Variants in EFCAB9 observed in about 807,000 individuals in gnomAD.
EFCAB9 encodes EF-hand calcium-binding domain-containing protein 9.
EFCAB9 carries 16 observed loss-of-function variants against 15.6 expected under a neutral mutation model. The ratio of observed to expected loss-of-function variants is 1.03; its 90% CI spans 0.69 to 1.56. The LOEUF (loss-of-function observed/expected upper bound fraction) is 1.56. EFCAB9 is among the 40% of genes most tolerant of loss of function. The pLI is 0.00. For missense variants in EFCAB9, 208 were observed against 235.4 expected (o/e 0.88, Z 0.76); for synonymous variants, 76 against 85.4 (o/e 0.89, Z 0.61).
chr5:172,194,195 T>G lies in EFCAB9; in HGVS notation c.23T>G (p.Phe8Cys). Residue 8 changes from phenylalanine (F) to cysteine (C), a missense_variant, in exon 1 of 4, where the codon TTT becomes TGT. Transcript: ENST00000398186. ...AAGATGAGACTGAAGCAAGGATCGT[T>G]TCTGTGGTACCTCTATCTGGACAAA... MRLKQGS[F>C]LWYLYLDKIY... The G allele has an allele frequency of 6.5e-7, 1 of 1,537,482 alleles. No homozygotes were observed. The highest frequency in any genetic ancestry group is 1.7e-4 in the Middle Eastern group (1 of 5,994).
intron 1 of EFCAB9, among the ~76,000 whole-genome samples, chr5:172,198,778 G>GC (rs1322158752): frequency 6.6e-6 from 1 of 152,126 alleles, no homozygotes; most frequent in Non-Finnish European, 1.5e-5. Flanking sequence ...ACCACGCCTG[G>GC]CTAATTTTTG....
intron 3 of EFCAB9, among the ~76,000 whole-genome samples, chr5:172,201,392 C>T (rs1053732422): frequency 2.6e-5 from 4 of 151,110 alleles, no homozygotes; most frequent in Non-Finnish European, 5.9e-5. Context: ...ACAACAACAA[C>T]AAAAATTAGC....
rs1771288262 is a variant in EFCAB9 at position 172,203,241 on chromosome 5, T to C, written c.490T>C (p.Tyr164His). Residue 164 changes from tyrosine (Y) to histidine (H), a missense_variant, in exon 4 of 4, where the codon TAT becomes CAT. Physicochemically the swap from Tyr to His is moderately conservative, Grantham distance 83. Transcript: ENST00000398186. ...TCTTAATTATCAGGAATTTAAGCTG[T>C]ATACAATCATCTACACTGACAAATT... is the stretch of plus-strand genomic sequence containing the variant. ...NRLNYQEFKLYTIIYTDKLQK... is the reference protein window; with the variant it reads ...NRLNYQEFKLHTIIYTDKLQK... 1 of 1,534,938 alleles carries C rather than the reference T, an allele frequency of 6.5e-7. No homozygotes were observed. The highest frequency in any genetic ancestry group is 8.7e-7 in the Non-Finnish European group (1 of 1,146,036).
chr5:172,195,972 T>A (rs1216267945), intron 1 of EFCAB9, among the ~76,000 whole-genome samples: 1 of 151,978 alleles, frequency 6.6e-6, no homozygotes, highest in East Asian at 1.9e-4. Context: ...CCCGCTAATT[T>A]CTGTATTCTT....
rs1437166538 is a variant in EFCAB9, at chr5:172,199,450, T to G, written c.204T>G (p.Phe68Leu). The G allele has an allele frequency of 1.3e-6, 2 of 1,537,210 alleles. No homozygotes were observed. The highest frequency in any genetic ancestry group is 2.0e-5 in the Admixed American group (1 of 50,982). The change falls in exon 2 of 4, where the codon TTT becomes TTG. Residue 68 changes from phenylalanine to leucine, a missense_variant. Physicochemically the swap from Phe to Leu is conservative, Grantham distance 22. Transcript: ENST00000398186. The part of the protein sequence containing the change: ...DLKKAQINIV[F>L]DMLDWNAVGE... ...AAAAGGCACAGATCAACATTGTGTT[T>G]GACATGCTGGACTGGAACGCTGTGG...
chr5:172,201,187 C>A (rs1231820068), intron 3 of EFCAB9, among the ~76,000 whole-genome samples: 1 of 151,840 alleles, frequency 6.6e-6, no homozygotes, highest in East Asian at 1.9e-4. Context: ...ACCAGCCTGA[C>A]CAATACGGAG....
In EFCAB9 at chr5:172,203,275, G is replaced by A. The variant is rs1771289257; in HGVS notation, c.524G>A (p.Arg175Lys). 3 of 1,536,514 alleles carry A rather than the reference G, an allele frequency of 2.0e-6. No homozygotes were observed. Among genetic ancestry groups the A allele is most frequent in the Non-Finnish European group, 2.6e-6 (3 of 1,146,634 alleles). The change falls in exon 4 of 4, where the codon AGG becomes AAG. Residue 175 changes from arginine to lysine, a missense_variant. Transcript: ENST00000398186. ...ATCTACACTGACAAATTACAGAAGA[G>A]GCAGAAAACAGAGGAGAAAGAAAAA... ...TIIYTDKLQK[R>K]QKTEEKEKGE...
intron 3 of EFCAB9, among the ~76,000 whole-genome samples, chr5:172,201,868 T>A (rs1771261259): frequency 6.6e-6 from 1 of 152,084 alleles, no homozygotes; most frequent in African/African-American, 2.4e-5. Flanking sequence ...GAGAAAGCTA[T>A]GGTGAAGACA....
intron 1 of EFCAB9, among the ~76,000 whole-genome samples, chr5:172,195,325 G>A (rs1298146638): frequency 2.6e-5 from 4 of 152,062 alleles, no homozygotes; most frequent in Admixed American, 6.6e-5. Context: ...CCATTCACTC[G>A]TTCTGACCTC....
chr5:172,203,304 G>A lies in EFCAB9; in HGVS notation c.553G>A (p.Glu185Lys). 1 of 1,536,472 alleles carries A rather than the reference G, an allele frequency of 6.5e-7. No individual in the cohort carries two copies. Among genetic ancestry groups the A allele is most frequent in the Non-Finnish European group, 8.7e-7 (1 of 1,146,712 alleles). Residue 185 changes from glutamate to lysine, a missense_variant, in exon 4 of 4, where the codon GAG becomes AAG. Transcript: ENST00000398186. The part of the protein sequence containing the change: ...RQKTEEKEKG[E>K]RKRSLYSKCH... ...GAAAACAGAGGAGAAAGAAAAAGGA[G>A]AGAGAAAGAGAAGTCTCTACTCAAA... is the stretch of plus-strand genomic sequence containing the variant.
intron 1 of EFCAB9, among the ~76,000 whole-genome samples, chr5:172,195,177 TAAATAA>T (rs1771138466): frequency 6.9e-6 from 1 of 145,562 alleles, no homozygotes; most frequent in East Asian, 1.9e-4. Context: ...AATAAATAAA[TAAATAA>T]AAATAAATAA....
chr5:172,200,605 C>T lies in EFCAB9; in HGVS notation c.325C>T (p.Pro109Ser), dbSNP rs761912076. 9.1e-6 allele frequency: 14 copies of T among 1,537,042 alleles called. No individual in the cohort carries two copies. In the South Asian group the frequency reaches 1.5e-4, roughly 17 times the overall value. Residue 109 changes from proline to serine, a missense_variant, in exon 3 of 4, where the codon CCT becomes TCT. By Grantham distance (74) the Pro-to-Ser change is moderately conservative. Transcript: ENST00000398186. Reference sequence around the variant, plus strand: ...ACAGTTTATGTATCGTCATTCCCGGCCTGTCTTTGACCTGCTTGACCTGAA... The same window carrying T: ...ACAGTTTATGTATCGTCATTCCCGGTCTGTCTTTGACCTGCTTGACCTGAA... ...EGQFMYRHSRPVFDLLDLKGD... is the reference protein window; with the variant it reads ...EGQFMYRHSRSVFDLLDLKGD...
chr5:172,201,141 C>T (rs1005022970), intron 3 of EFCAB9, among the ~76,000 whole-genome samples: 1 of 151,446 alleles, frequency 6.6e-6, no homozygotes, highest in Non-Finnish European at 1.5e-5. Context: ...TTTGGGAGGC[C>T]GAGGTGGGTG....
chr5:172,194,358 T>G (rs770509010), intron 1 of EFCAB9, 50 bp downstream of exon 1: 1 of 1,515,026 alleles, frequency 6.6e-7, no homozygotes, highest in Non-Finnish European at 8.8e-7. Context: ...GGGTTTTAGC[T>G]AATGTGTAAG....
At chr5:172,198,261 C>A (rs1771195931) in intron 1 of EFCAB9, among the ~76,000 whole-genome samples, 1 of 152,126 alleles carries the variant, frequency 6.6e-6, no homozygotes, top group African/African-American at 2.4e-5. Flanking sequence ...ATAATCTCAG[C>A]AGTTTGGGAG....
At chr5:172,202,332 CAAAAA>C (rs10690291) in intron 3 of EFCAB9, among the ~76,000 whole-genome samples, 82 of 73,330 alleles carry the variant, frequency 1.1e-3, no homozygotes, top group Middle Eastern at 9.6e-3. Context: ...GACTTCATCT[CAAAAA>C]AAAAAAAAAA....
At position 172,200,556 on chromosome 5, in the gene EFCAB9, C is replaced by T. The variant is rs2113860809; in HGVS notation, c.286-10C>T. The T allele has an allele frequency of 2.0e-6, 3 of 1,531,042 alleles. No homozygotes were observed. Among genetic ancestry groups the T allele is most frequent in the Non-Finnish European group, 2.6e-6 (3 of 1,144,058 alleles). The allele number at this position is 1,531,042 out of a possible 1,614,324, so 94.8% of individuals were successfully genotyped here. ...ACTGTTGCTCATCTCACCTATTTCT[C>T]TCGCAATAGAACCATTTGGAAGGAC... is the stretch of plus-strand genomic sequence containing the variant. On this transcript the variant is annotated splice_polypyrimidine_tract_variant and intron_variant, in intron 2 of 3. Transcript: ENST00000398186.
chr5:172,201,296 A>G (rs552725287), intron 3 of EFCAB9, among the ~76,000 whole-genome samples: 1 of 152,224 alleles, frequency 6.6e-6, no homozygotes, highest in African/African-American at 2.4e-5. Context: ...AATCGCTTGA[A>G]CCTGGGAGGT....
intron 3 of EFCAB9, among the ~76,000 whole-genome samples, chr5:172,201,847 A>G (rs1442566864): frequency 1.3e-5 from 2 of 152,190 alleles, no homozygotes; most frequent in African/African-American, 4.8e-5. Flanking sequence ...TGTCTCAAAA[A>G]AAATTCCTAA....
Sources: allele counts gnomAD v4.1 joint callset (sites outside exome capture counted in the v4.1 genomes callset), GRCh38; gene constraint gnomAD v4.1.1; transcripts MANE v1.5; gene names NCBI Gene and HGNC (gene_info 2026-07-23, HGNC 2026-07-21).